The following TAFA2 variants were observed in gnomAD, a reference collection of about 807,000 sequenced individuals.
The protein encoded by TAFA2 is TAFA chemokine like family member 2.
A neutral mutation model predicts 18.8 loss-of-function variants in TAFA2; 7 were observed. The ratio of observed to expected loss-of-function variants is 0.37; its 90% CI spans 0.21 to 0.70. The LOEUF (loss-of-function observed/expected upper bound fraction) is 0.70, where lower values mean the gene tolerates loss of function less well. Ranked by LOEUF, TAFA2 falls within the 30% of genes least tolerant of loss-of-function variation. The pLI, the probability that TAFA2 is intolerant of heterozygous loss-of-function variation, is 0.53. For synonymous variants in TAFA2, 60 were observed against 54.2 expected, an observed-to-expected ratio of 1.11 and a Z score of -0.47; for missense variants, 122 against 158.1, an observed-to-expected ratio of 0.77 and a Z score of 1.23.
intron 1 of TAFA2, among the ~76,000 whole-genome samples, chr12:62,225,469 C>T (rs1380083568): frequency 1.3e-5 from 2 of 151,926 alleles, no homozygotes; most frequent in African/African-American, 4.8e-5. Flanking sequence ...TCTAAGCGTG[C>T]TTCTAAACTG....
intron 4 of TAFA2, among the ~76,000 whole-genome samples, chr12:61,713,207 G>A (rs1331981113): frequency 6.6e-6 from 1 of 152,100 alleles, no homozygotes; most frequent in Non-Finnish European, 1.5e-5. Context: ...GCCAATCAAA[G>A]GTGGCCAACT....
At chr12:62,051,620 C>T (rs1365668246) in intron 1 of TAFA2, among the ~76,000 whole-genome samples, 1 of 151,682 alleles carries the variant, frequency 6.6e-6, no homozygotes, top group Non-Finnish European at 1.5e-5. Flanking sequence ...ACTTAGTGCC[C>T]ACAGTGAGCC....
chr12:62,060,951 A>G (rs348664), intron 1 of TAFA2, among the ~76,000 whole-genome samples: 38,143 of 151,810 alleles, frequency 0.25, 4,792 homozygotes, highest in Admixed American at 0.27. Flanking sequence ...AGGGAAAGAA[A>G]ATATTTTTGT....
At chr12:61,725,558 T>A (rs1308171574) in intron 4 of TAFA2, among the ~76,000 whole-genome samples, 1 of 150,368 alleles carries the variant, frequency 6.7e-6, no homozygotes, top group East Asian at 1.9e-4. Flanking sequence ...CCCCACTTTA[T>A]GCTTTTGTTT....
At chr12:62,022,715 T>G (rs184353175) in intron 1 of TAFA2, among the ~76,000 whole-genome samples, 1 of 152,334 alleles carries the variant, frequency 6.6e-6, no homozygotes, top group African/African-American at 2.4e-5. Context: ...GCAAATGTAC[T>G]GAACAGCTGT....
At chr12:61,824,157 C>A (rs1872439696) in intron 2 of TAFA2, among the ~76,000 whole-genome samples, 1 of 152,152 alleles carries the variant, frequency 6.6e-6, no homozygotes, top group South Asian at 2.1e-4. Context: ...TGAGAGAAAT[C>A]TCAGTCCTAC....
intron 1 of TAFA2, among the ~76,000 whole-genome samples, chr12:62,245,669 ATT>A (rs987907654): frequency 5.2e-4 from 77 of 147,342 alleles, no homozygotes; most frequent in African/African-American, 1.8e-3. Flanking sequence ...ACATTAAAAT[ATT>A]TTTATAAATA....
chr12:61,916,496 C>T (rs1023631508), intron 1 of TAFA2, among the ~76,000 whole-genome samples: 1 of 152,186 alleles, frequency 6.6e-6, no homozygotes, highest in Non-Finnish European at 1.5e-5. Flanking sequence ...TTTTTACTCT[C>T]CATCGTTAAT....
At chr12:62,181,098 T>G (rs2062548655) in intron 1 of TAFA2, among the ~76,000 whole-genome samples, 1 of 152,238 alleles carries the variant, frequency 6.6e-6, no homozygotes. Flanking sequence ...ACCTTTTGCC[T>G]AGAATGTATT....
chr12:61,724,170 G>A (rs1449251703), intron 4 of TAFA2, among the ~76,000 whole-genome samples: 4 of 152,018 alleles, frequency 2.6e-5, no homozygotes, highest in Admixed American at 2.0e-4. Flanking sequence ...TATCAAATCT[G>A]GAGACTAGTA....
chr12:61,743,189 C>T (rs911332836), intron 4 of TAFA2, among the ~76,000 whole-genome samples: 4 of 151,908 alleles, frequency 2.6e-5, no homozygotes, highest in African/African-American at 7.3e-5. Flanking sequence ...TCTTCTATTC[C>T]GTCATGCCTT....
At chr12:62,233,072 T>TAG (rs2062820016) in intron 1 of TAFA2, among the ~76,000 whole-genome samples, 1 of 113,282 alleles carries the variant, frequency 8.8e-6, no homozygotes, top group Non-Finnish European at 1.8e-5. Context: ...ATCTCTTTTT[T>TAG]TTTTTTTTTT....
At chr12:61,987,290 CA>C (rs1462466383) in intron 1 of TAFA2, among the ~76,000 whole-genome samples, 5 of 152,160 alleles carry the variant, frequency 3.3e-5, no homozygotes, top group African/African-American at 1.2e-4. Context: ...AAAGGGTGAA[CA>C]AAAGTATCTC....
chr12:62,165,423 T>C (rs1483912004), intron 1 of TAFA2, among the ~76,000 whole-genome samples: 2 of 152,078 alleles, frequency 1.3e-5, no homozygotes, highest in African/African-American at 4.8e-5. Flanking sequence ...TCCCAAATAA[T>C]CTCTGTATGA....
intron 1 of TAFA2, among the ~76,000 whole-genome samples, chr12:61,872,205 G>A (rs977435800): frequency 6.6e-6 from 1 of 152,142 alleles, no homozygotes; most frequent in Admixed American, 6.5e-5. Flanking sequence ...TAGTATAAAG[G>A]AGATGTATAA....
At position 61,842,629 on chromosome 12, in the gene TAFA2, T is replaced by G. The variant is rs369413419; in HGVS notation, c.106+24691A>C. Among the ~76,000 whole-genome samples the G allele has an allele frequency of 3.3e-5, 5 of 151,940 alleles. No individual in the cohort carries two copies. The East Asian group carries it at 9.7e-4, about 29-fold the overall frequency. The stretch of plus-strand genomic sequence containing the variant: ...ATCAAACTAAAGCATACATTCTAGA[T>G]CAGAACAAATCCAATGATACTTACT... On this transcript the variant is annotated intron_variant, in intron 2 of 4. Transcript: ENST00000416284.
At position 62,258,664 on chromosome 12, in the gene TAFA2, T is replaced by C. The variant is rs113747830; in HGVS notation, c.-130+99A>G. ...CACAAATTGTTTCATTTAATCTTCA[T>C]AAAAATCCCTTAAGGTAGGTATTAT... On this transcript the variant is annotated intron_variant, in intron 1 of 5. Transcript: ENST00000551619. The C allele has an allele frequency of 1.3e-3, 322 of 249,610 alleles. 2 individuals are homozygous for C. Among genetic ancestry groups the C allele is most frequent in the African/African-American group, 7.0e-3 (301 of 43,078 alleles). 15.5% of individuals were successfully genotyped at this position (249,610 alleles called of 1,614,324 possible).
intron 1 of TAFA2, among the ~76,000 whole-genome samples, chr12:61,922,362 C>G (rs1388017804): frequency 1.3e-5 from 2 of 152,104 alleles, no homozygotes; most frequent in East Asian, 1.9e-4. Context: ...GAGACCAACA[C>G]AGAAGGTGGG....
intron 1 of TAFA2, among the ~76,000 whole-genome samples, chr12:62,118,506 CAT>C (rs1321478673): frequency 2.6e-5 from 4 of 152,004 alleles, no homozygotes; most frequent in Non-Finnish European, 5.9e-5. Context: ...ATTCTGAAGT[CAT>C]ATGATATATG....
Sources: allele counts gnomAD v4.1 joint callset (sites outside exome capture counted in the v4.1 genomes callset), GRCh38; gene constraint gnomAD v4.1.1; transcripts MANE v1.5; gene names NCBI Gene and HGNC (gene_info 2026-07-23, HGNC 2026-07-21).